The following SUGCT variants were observed in gnomAD, a reference collection of about 807,000 sequenced individuals.
SUGCT encodes succinyl-CoA:glutarate-CoA transferase.
SUGCT carries 41 observed loss-of-function variants against 55.0 expected under a neutral mutation model. That is an observed-to-expected ratio of 0.74 (90% CI 0.58 to 0.97). The LOEUF (loss-of-function observed/expected upper bound fraction) is 0.97. Ranked by LOEUF, SUGCT falls within the 50% of genes least tolerant of loss-of-function variation. The probability of loss-of-function intolerance (pLI) is 0.00; values close to 1 mark genes in which losing one functional copy is unlikely to be tolerated. For missense variants in SUGCT, 568 were observed against 547.8 expected, an observed-to-expected ratio of 1.04 and a Z score of -0.37; for synonymous variants, 187 against 200.4, an observed-to-expected ratio of 0.93 and a Z score of 0.56.
rs138517129 is a variant in SUGCT, at chr7:40,732,842, C to G, written c.1090-16592C>G. Among the ~76,000 whole-genome samples, 18 of 152,200 alleles carry G rather than the reference C, an allele frequency of 1.2e-4. 1 individual carries two copies. In the South Asian group the frequency reaches 3.7e-3, roughly 32 times the overall value. On this transcript the variant is annotated intron_variant, in intron 12 of 13. Transcript: ENST00000335693. Reference sequence around the variant, plus strand: ...TGAGCCAACACGCCTGTAATCCCAGCGCTTTGGGAGGCCAAGATGGGTGGA... The same window carrying G: ...TGAGCCAACACGCCTGTAATCCCAGGGCTTTGGGAGGCCAAGATGGGTGGA...
In SUGCT at chr7:40,851,610, A is replaced by G. The variant is rs1013398228; in HGVS notation, c.1154-8706A>G. On this transcript the variant is annotated intron_variant, in intron 13 of 13. Coordinates refer to ENST00000335693, the MANE Select transcript of SUGCT (RefSeq NM_001193313.2). ...TGTCATTATCCTACACCGCTCTAGA[A>G]CCATCCCTTAGAGGACCACAGGCAG... 4.6e-5 allele frequency among the ~76,000 whole-genome samples: 7 copies of G among 152,268 alleles called. No homozygotes were observed. In the East Asian group the frequency reaches 1.4e-3, roughly 29 times the overall value.
At chr7:40,934,607 C>T in the SUGCT span, among the ~76,000 whole-genome samples, 4 of 152,200 alleles carry the variant, frequency 2.6e-5, no homozygotes, top group African/African-American at 9.6e-5. Flanking sequence ...CCATTTTGAG[C>T]TTTCTGGCCT....
At chr7:40,751,591 A>C (rs1253399516) in intron 13 of SUGCT, among the ~76,000 whole-genome samples, 2 of 152,230 alleles carry the variant, frequency 1.3e-5, no homozygotes, top group African/African-American at 4.8e-5. Flanking sequence ...TAGCTAACAC[A>C]GATGGAAGCA....
intron 13 of SUGCT, among the ~76,000 whole-genome samples, chr7:40,843,580 G>A (rs1317599480): frequency 1.3e-5 from 2 of 152,050 alleles, no homozygotes; most frequent in Non-Finnish European, 2.9e-5. Flanking sequence ...AGGGAATGAT[G>A]TGAGTAGATT....
chr7:40,836,573 C>A (rs1056555252), intron 13 of SUGCT, among the ~76,000 whole-genome samples: 2 of 152,162 alleles, frequency 1.3e-5, no homozygotes, highest in Admixed American at 6.5e-5. Flanking sequence ...TCACAAGGAT[C>A]CCTCATTCTG....
At chr7:40,986,829 T>C in the SUGCT span, among the ~76,000 whole-genome samples, 1 of 152,148 alleles carries the variant, frequency 6.6e-6, no homozygotes, top group African/African-American at 2.4e-5. Context: ...TCTCCCTAAC[T>C]GAACTACCTT....
chr7:40,676,504 G>T (rs13239255), intron 12 of SUGCT, among the ~76,000 whole-genome samples: 19,272 of 128,734 alleles, frequency 0.15, 1,484 homozygotes, highest in Non-Finnish European at 0.18. Context: ...TTTGTTTTTT[G>T]TTTTTTTTTT....
At chr7:40,677,569 C>T (rs943132707) in intron 12 of SUGCT, among the ~76,000 whole-genome samples, 2 of 152,204 alleles carry the variant, frequency 1.3e-5, no homozygotes, top group Non-Finnish European at 2.9e-5. Flanking sequence ...GATGAACTCT[C>T]TTTCTACCTG....
chr7:40,193,280 G>GTTTTTTTTTT (rs752659107), intron 5 of SUGCT, among the ~76,000 whole-genome samples: 4 of 87,172 alleles, frequency 4.6e-5, no homozygotes, highest in African/African-American at 9.5e-5. Flanking sequence ...CAATTACTGT[G>GTTTTTTTTTT]TTTTTTTTTT....
chr7:41,025,623 G>A, the SUGCT span, among the ~76,000 whole-genome samples: 1 of 152,014 alleles, frequency 6.6e-6, no homozygotes. Flanking sequence ...CCAAACTGCT[G>A]GGATTACAGA....
At chr7:40,290,384 T>G (rs1432171123) in intron 8 of SUGCT, among the ~76,000 whole-genome samples, 1 of 152,226 alleles carries the variant, frequency 6.6e-6, no homozygotes, top group African/African-American at 2.4e-5. Context: ...TTGACAAACC[T>G]GAGAAAAACA....
the SUGCT span, among the ~76,000 whole-genome samples, chr7:40,897,230 G>C: frequency 1.3e-5 from 2 of 152,156 alleles, no homozygotes; most frequent in Admixed American, 6.6e-5. Flanking sequence ...AGATTTAAAT[G>C]TAAGTGCTGG....
At chr7:40,362,701 A>T (rs1798215668) in intron 9 of SUGCT, among the ~76,000 whole-genome samples, 1 of 152,166 alleles carries the variant, frequency 6.6e-6, no homozygotes, top group Non-Finnish European at 1.5e-5. Flanking sequence ...ATTGAGATAT[A>T]ATGATATAAT....
chr7:40,513,850 C>T (rs1042204269), intron 12 of SUGCT, among the ~76,000 whole-genome samples: 3 of 131,162 alleles, frequency 2.3e-5, no homozygotes, highest in African/African-American at 3.0e-5. Flanking sequence ...AGTGCGGTGG[C>T]GCGATCTCGG....
intron 9 of SUGCT, among the ~76,000 whole-genome samples, chr7:40,391,994 T>C (rs1288823868): frequency 6.6e-6 from 1 of 152,168 alleles, no homozygotes; most frequent in African/African-American, 2.4e-5. Flanking sequence ...GGGACATGGA[T>C]AAAGCTAGAA....
chr7:40,329,054 G>A (rs921406053), intron 9 of SUGCT, among the ~76,000 whole-genome samples: 6 of 152,116 alleles, frequency 3.9e-5, no homozygotes, highest in Admixed American at 6.5e-5. Context: ...AGTTGGATTC[G>A]CATGTAGTTA....
chr7:40,303,671 C>G (rs1049286907), intron 8 of SUGCT, among the ~76,000 whole-genome samples: 1 of 152,130 alleles, frequency 6.6e-6, no homozygotes, highest in Non-Finnish European at 1.5e-5. Context: ...TTCACACTGT[C>G]CATACCTTAC....
chr7:40,430,216 A>C (rs894716640), intron 9 of SUGCT, among the ~76,000 whole-genome samples: 2 of 152,140 alleles, frequency 1.3e-5, no homozygotes, highest in Admixed American at 6.5e-5. Context: ...TGCTAGTTCT[A>C]TTTTTAATTT....
intron 13 of SUGCT, among the ~76,000 whole-genome samples, chr7:40,815,555 C>G (rs959532632): frequency 9.9e-5 from 15 of 151,734 alleles, no homozygotes; most frequent in African/African-American, 3.4e-4. Flanking sequence ...CTCCCTACAC[C>G]AAGTTCTCTG....
Sources: gnomAD v4.1 joint callset for allele counts (sites outside exome capture counted in the v4.1 genomes callset) on GRCh38, gnomAD v4.1.1 for gene constraint, MANE v1.5 for transcripts, NCBI Gene and HGNC (gene_info 2026-07-23, HGNC 2026-07-21) for gene names.